DNAH3: variants seen among roughly 807,000 people sequenced by gnomAD.
DNAH3 encodes the protein dynein axonemal heavy chain 3.
Under a neutral mutation model 432.5 loss-of-function variants are expected in DNAH3, and 332 were observed. The ratio of observed to expected loss-of-function variants is 0.77; its 90% confidence interval spans 0.70 to 0.84. The LOEUF is 0.84. Ranked by LOEUF, DNAH3 falls within the 40% of genes least tolerant of loss-of-function variation. DNAH3 has a pLI of 0.00. For missense variants in DNAH3, 4,861 were observed against 5,114.0 expected, an observed-to-expected ratio of 0.95 and a Z score of 1.51; for synonymous variants, 1,956 against 1,900.2, an observed-to-expected ratio of 1.03 and a Z score of -0.76.
intron 12 of DNAH3, among the ~76,000 whole-genome samples, chr16:21,115,746 AAAAATAAAATAAAATAAAT>A (rs1178583445): frequency 5.3e-5 from 8 of 149,708 alleles, no homozygotes; most frequent in Non-Finnish European, 8.9e-5. Context: ...AAAATAAAAT[AAAAATAAAATAAAATAAAT>A]AAAATAAAAT....
intron 5 of DNAH3, 102 bp from the exon 7 acceptor site, chr16:21,136,615 G>A (rs777059421): frequency 2.2e-5 from 23 of 1,048,078 alleles, no homozygotes; most frequent in South Asian, 2.7e-5. Flanking sequence ...TACAGCATTC[G>A]TCTGCACCCT....
At chr16:21,134,713 C>T (rs983636249) in intron 6 of DNAH3, among the ~76,000 whole-genome samples, 4 of 151,974 alleles carry the variant, frequency 2.6e-5, no homozygotes, top group Non-Finnish European at 5.9e-5. Flanking sequence ...TGGAGTCTCG[C>T]TCTGTCGCCC....
intron 1 of DNAH3, among the ~76,000 whole-genome samples, chr16:21,151,108 T>C (rs1180817593): frequency 6.6e-6 from 1 of 152,178 alleles, no homozygotes; most frequent in Non-Finnish European, 1.5e-5. Context: ...GATCTACAAT[T>C]GGACAGGTCA....
exon 48 of DNAH3, chr16:20,985,314 G>T: frequency 6.2e-7 from 1 of 1,614,212 alleles, no homozygotes; most frequent in South Asian, 1.1e-5. Flanking sequence ...CCTGCAGTAT[G>T]ATCTTCTTAA....
chr16:20,941,395 G>A lies in DNAH3; in HGVS notation c.11654+6C>T, dbSNP rs1371902221. Reference sequence around the variant, plus strand: ...CCCAGGATTCAAGCTACATCATCTGGCCCACCTGTTGAATCTGATGAGCTC... The same window carrying A: ...CCCAGGATTCAAGCTACATCATCTGACCCACCTGTTGAATCTGATGAGCTC... On this transcript the variant is annotated splice_donor_region_variant and intron_variant, in intron 59 of 61. Transcript: ENST00000261383. The A allele has an allele frequency of 5.6e-6, 9 of 1,613,682 alleles. No homozygotes were observed. Among genetic ancestry groups the A allele is most frequent in the Non-Finnish European group, 7.6e-6 (9 of 1,179,826 alleles).
At chr16:21,032,907 T>C (rs193180392) in intron 36 of DNAH3, among the ~76,000 whole-genome samples, 70 of 152,254 alleles carry the variant, frequency 4.6e-4, no homozygotes, top group Non-Finnish European at 7.2e-4. Flanking sequence ...AAATGGTATA[T>C]TAAAGGTATA....
intron 24 of DNAH3, among the ~76,000 whole-genome samples, chr16:21,063,638 G>A (rs2090443857): frequency 6.6e-6 from 1 of 151,836 alleles, no homozygotes. Context: ...GACCTCCAGG[G>A]CTCAAGCAAT....
At chr16:20,970,896 G>A (rs914203925) in intron 51 of DNAH3, among the ~76,000 whole-genome samples, 4 of 129,870 alleles carry the variant, frequency 3.1e-5, no homozygotes, top group Admixed American at 9.1e-5. Context: ...ACAGAGTCTC[G>A]CTCTATCATC....
At chr16:21,098,381 G>C (rs886676639) in intron 17 of DNAH3, among the ~76,000 whole-genome samples, 1 of 148,660 alleles carries the variant, frequency 6.7e-6, no homozygotes, top group East Asian at 2.0e-4. Flanking sequence ...GGAGGTTGCA[G>C]TGAGATGAGG....
chr16:20,945,677 C>T (rs776696680), intron 57 of DNAH3, among the ~76,000 whole-genome samples: 40 of 151,880 alleles, frequency 2.6e-4, no homozygotes, highest in African/African-American at 7.3e-4. Context: ...TTTTTAGTAG[C>T]GACGGGGTTT....
intron 41 of DNAH3, among the ~76,000 whole-genome samples, chr16:21,018,191 G>A (rs905849295): frequency 6.6e-6 from 1 of 152,022 alleles, no homozygotes; most frequent in Non-Finnish European, 1.5e-5. Flanking sequence ...TGTAATCCAG[G>A]TCACTCTTAA....
intron 41 of DNAH3, among the ~76,000 whole-genome samples, chr16:21,004,187 T>G (rs2087163364): frequency 6.6e-6 from 1 of 152,144 alleles, no homozygotes; most frequent in East Asian, 1.9e-4. Flanking sequence ...TTGTTGTATT[T>G]TAACTTTCTA....
intron 44 of DNAH3, among the ~76,000 whole-genome samples, chr16:20,989,141 T>C (rs937329343): frequency 4.6e-5 from 7 of 152,210 alleles, no homozygotes; most frequent in Non-Finnish European, 7.3e-5. Context: ...AGCCTGCTTT[T>C]ATTCTCTTAT....
intron 7 of DNAH3, among the ~76,000 whole-genome samples, chr16:21,133,404 A>G (rs1369026562): frequency 1.3e-5 from 2 of 149,168 alleles, no homozygotes; most frequent in African/African-American, 4.9e-5. Flanking sequence ...GCCCGCACAC[A>G]CTTCATAGGC....
chr16:21,104,381 T>C (rs2091902197), intron 16 of DNAH3, 90 bp downstream of exon 16: 3 of 1,138,384 alleles, frequency 2.6e-6, no homozygotes, highest in East Asian at 2.4e-5. Flanking sequence ...TGGAGTGAGC[T>C]GGGGGATGGC....
At chr16:21,066,555 G>A (rs1196968083) in intron 24 of DNAH3, among the ~76,000 whole-genome samples, 2 of 151,944 alleles carry the variant, frequency 1.3e-5, no homozygotes, top group African/African-American at 2.4e-5. Context: ...TTTTTGTAGA[G>A]GTGGAATTTC....
chr16:21,134,130 C>T (rs1026258062), intron 7 of DNAH3, 129 bp downstream of exon 8: 25 of 920,738 alleles, frequency 2.7e-5, no homozygotes, highest in Non-Finnish European at 3.9e-5. Flanking sequence ...GCATATTTGG[C>T]CTAGATTTTT....
chr16:21,000,542 G>C, intron 42 of DNAH3, 24 bp from the exon 43 acceptor site: 1 of 1,564,876 alleles, frequency 6.4e-7, no homozygotes, highest in Middle Eastern at 1.7e-4. Flanking sequence ...ACATGGGAGA[G>C]TCTCGGTTGT....
chr16:20,967,899 T>C (rs1567548104), intron 52 of DNAH3, among the ~76,000 whole-genome samples: 1 of 152,118 alleles, frequency 6.6e-6, no homozygotes, highest in Non-Finnish European at 1.5e-5. Flanking sequence ...AAGGCCAACT[T>C]ATTATACATT....
Sources: gnomAD v4.1 joint callset for allele counts (sites outside exome capture counted in the v4.1 genomes callset) on GRCh38, gnomAD v4.1.1 for gene constraint, MANE v1.5 for transcripts, NCBI Gene and HGNC (gene_info 2026-07-23, HGNC 2026-07-21) for gene names.